GTPBP10: variants seen among roughly 807,000 people sequenced by gnomAD.
GTPBP10 encodes the protein GTP binding protein 10, also known as GTP-binding protein 10.
A neutral mutation model predicts 44.8 loss-of-function variants in GTPBP10; 38 were observed. That is an observed-to-expected ratio of 0.85 (90% CI 0.65 to 1.11). The LOEUF is 1.11. GTPBP10 is among the 50% of genes most tolerant of loss of function. GTPBP10 has a pLI of 0.00. For synonymous variants in GTPBP10, 152 were observed against 150.6 expected, an observed-to-expected ratio of 1.01 and a Z score of -0.07; for missense variants, 462 against 453.7, an observed-to-expected ratio of 1.02 and a Z score of -0.17.
rs1796252283 is a variant in GTPBP10, at chr7:90,371,244, T to C, written c.465-911T>C. On this transcript the variant is annotated intron_variant, in intron 4 of 9. Coordinates refer to ENST00000222511, the MANE Select transcript of GTPBP10 (RefSeq NM_033107.4). ...CTACCTGTATACACATTTTTTACAATGTTGTTTAGAGTGAAAAATTGTAGA... is the reference window on the plus strand; with the variant it reads ...CTACCTGTATACACATTTTTTACAACGTTGTTTAGAGTGAAAAATTGTAGA... The C allele has an allele frequency of 5.6e-6, 5 of 900,828 alleles. No homozygotes were observed. In the South Asian group the frequency reaches 2.6e-4, roughly 46 times the overall value. The allele number at this position is 900,828 out of a possible 1,614,324, so 55.8% of individuals were successfully genotyped here. A position where few individuals can be genotyped will look rare whatever the true frequency, so the allele number is the denominator to read the frequency against.
chr7:90,384,780 G>T, intron 9 of GTPBP10, 112 bp from the exon 10 acceptor site: 1 of 955,080 alleles, frequency 1.0e-6, no homozygotes, highest in Non-Finnish European at 1.5e-6. Flanking sequence ...GTGAAAAAAG[G>T]CATGAAAAAT....
At chr7:90,380,946 G>A (rs1796426436) in intron 8 of GTPBP10, among the ~76,000 whole-genome samples, 1 of 152,004 alleles carries the variant, frequency 6.6e-6, no homozygotes. Context: ...GTTCATCCAT[G>A]TTGTTATAAA....
intron 1 of GTPBP10, among the ~76,000 whole-genome samples, chr7:90,352,249 C>T (rs1424799109): frequency 1.3e-5 from 2 of 152,188 alleles, no homozygotes; most frequent in Non-Finnish European, 2.9e-5. Context: ...ATATGTAAAC[C>T]ATGGTTCTGT....
intron 8 of GTPBP10, among the ~76,000 whole-genome samples, chr7:90,382,215 A>G (rs1018269930): frequency 6.6e-6 from 1 of 152,200 alleles, no homozygotes; most frequent in Non-Finnish European, 1.5e-5. Flanking sequence ...ATAGCAAGAA[A>G]ACAACTCAAA....
chr7:90,359,549 C>T lies in GTPBP10; in HGVS notation c.464+4319C>T, dbSNP rs550805823. Among the ~76,000 whole-genome samples the T allele has an allele frequency of 7.9e-5, 12 of 152,262 alleles. No individual in the cohort carries two copies. The South Asian group carries it at 2.5e-3, about 32-fold the overall frequency. On this transcript the variant is annotated intron_variant, in intron 4 of 9. Transcript: ENST00000222511. ...CTTAATTCAGTCTATCATTGATGGA[C>T]ATTTGGGTTGGTTCCAAGTCTTTGC...
chr7:90,348,633 G>A (rs1415696880), intron 1 of GTPBP10, among the ~76,000 whole-genome samples: 1 of 151,624 alleles, frequency 6.6e-6, no homozygotes, highest in Non-Finnish European at 1.5e-5. Context: ...GGCAGAAGGG[G>A]TGGGGGTGGA....
intron 3 of GTPBP10, 40 bp from the exon 4 acceptor site, chr7:90,355,046 A>G: frequency 7.5e-7 from 1 of 1,332,402 alleles, no homozygotes; most frequent in Non-Finnish European, 1.0e-6. Flanking sequence ...GATTTCACTT[A>G]TTAATCTTTG....
At chr7:90,348,384 G>A (rs564579659) in intron 1 of GTPBP10, among the ~76,000 whole-genome samples, 35 of 152,230 alleles carry the variant, frequency 2.3e-4, no homozygotes, top group Non-Finnish European at 4.4e-4. Context: ...TTGGCTGGAA[G>A]CCTCACTGAT....
intron 4 of GTPBP10, among the ~76,000 whole-genome samples, chr7:90,366,136 CT>C (rs1404233872): frequency 6.6e-6 from 1 of 152,158 alleles, no homozygotes; most frequent in Non-Finnish European, 1.5e-5. Context: ...GGTGGATAAG[CT>C]TTTTGATGTG....
chr7:90,361,989 C>T (rs201214869), intron 4 of GTPBP10, among the ~76,000 whole-genome samples: 1 of 152,042 alleles, frequency 6.6e-6, no homozygotes, highest in African/African-American at 2.4e-5. Context: ...CCCTTTATAA[C>T]TTTTTATTGC....
rs1796513415 is a variant in GTPBP10, at chr7:90,385,697, T to G, written c.*543T>G. 6.6e-6 allele frequency: 1 copy of G among 152,182 alleles called. No homozygotes were observed. 9.4% of individuals were successfully genotyped at this position (152,182 alleles called of 1,614,324 possible). A position where few individuals can be genotyped will look rare whatever the true frequency, so the allele number is the denominator to read the frequency against. ...TAGTATTATTACCTTCTGATATATG[T>G]GTCATTATTGAAGAACCATACCTTT... is the stretch of plus-strand genomic sequence containing the variant. On this transcript the variant is annotated 3_prime_UTR_variant, in exon 10 of 10. Coordinates refer to ENST00000222511, the MANE Select transcript of GTPBP10 (RefSeq NM_033107.4).
intron 1 of GTPBP10, chr7:90,347,389 C>T (rs970329162): frequency 1.3e-5 from 2 of 153,016 alleles, no homozygotes; most frequent in Admixed American, 6.5e-5. Context: ...AAGTAAGGCT[C>T]CTAAACCCCT....
chr7:90,348,071 G>C (rs1301725606), intron 1 of GTPBP10, among the ~76,000 whole-genome samples: 2 of 152,008 alleles, frequency 1.3e-5, no homozygotes, highest in Non-Finnish European at 2.9e-5. Flanking sequence ...TAAAACAGTC[G>C]GGGTGGTGTG....
intron 2 of GTPBP10, among the ~76,000 whole-genome samples, chr7:90,354,035 T>C (rs1795845635): frequency 1.3e-5 from 2 of 152,088 alleles, no homozygotes; most frequent in Admixed American, 1.3e-4. Context: ...GGTCGTGCTA[T>C]GGTGTTCAGG....
intron 9 of GTPBP10, 70 bp downstream of exon 9, chr7:90,383,149 C>A: frequency 1.7e-6 from 2 of 1,143,028 alleles, no homozygotes; most frequent in Non-Finnish European, 1.2e-6. Context: ...CTGTTATAAT[C>A]AGTGGAAAAC....
intron 8 of GTPBP10, among the ~76,000 whole-genome samples, chr7:90,380,376 C>G (rs1796416333): frequency 6.6e-6 from 1 of 152,168 alleles, no homozygotes; most frequent in Non-Finnish European, 1.5e-5. Flanking sequence ...CCATGCCCAG[C>G]TGGAAATTAA....
At chr7:90,383,907 AAT>A (rs900440664) in intron 9 of GTPBP10, 1 of 152,168 alleles carries the variant, frequency 6.6e-6, no homozygotes, top group Admixed American at 6.5e-5. Context: ...TCCTCTCAAA[AAT>A]CTTTCCCCTG....
chr7:90,349,920 C>CT lies in GTPBP10; in HGVS notation c.34-2884dup, dbSNP rs113155964. On this transcript the variant is annotated intron_variant, in intron 1 of 9. Coordinates refer to ENST00000222511, the MANE Select transcript of GTPBP10 (RefSeq NM_033107.4). Reference sequence around the variant, plus strand: ...AAAGCCAAAGCCAAACCTATTTCTTCTTTTTTTTTTTTAAATTATACTTTA... The same window carrying CT: ...AAAGCCAAAGCCAAACCTATTTCTTCTTTTTTTTTTTTTAAATTATACTTTA... Among the ~76,000 whole-genome samples the CT allele has an allele frequency of 1.4e-3, 207 of 145,590 alleles. 2 individuals carry two copies. In the East Asian group the frequency reaches 0.027, roughly 19 times the overall value.
At chr7:90,357,329 A>C (rs1795923354) in intron 4 of GTPBP10, among the ~76,000 whole-genome samples, 1 of 152,180 alleles carries the variant, frequency 6.6e-6, no homozygotes, top group African/African-American at 2.4e-5. Flanking sequence ...GAAACAAGCA[A>C]GTCCAGCTAG....
Sources: gnomAD v4.1 joint callset for allele counts (sites outside exome capture counted in the v4.1 genomes callset) on GRCh38, gnomAD v4.1.1 for gene constraint, MANE v1.5 for transcripts, NCBI Gene and HGNC (gene_info 2026-07-23, HGNC 2026-07-21) for gene names.